DPP10: variants seen among roughly 807,000 people sequenced by gnomAD.
The protein encoded by DPP10 is dipeptidyl peptidase like 10.
DPP10 carries 33 observed loss-of-function variants against 120.9 expected under a neutral mutation model. The ratio of observed to expected loss-of-function variants is 0.27; its 90% CI spans 0.21 to 0.37. The LOEUF (loss-of-function observed/expected upper bound fraction) is 0.37, where lower values mean the gene tolerates loss of function less well. Among genes scored for constraint, DPP10 ranks in the 10% least tolerant of loss-of-function variants. The pLI is 1.00. For missense variants in DPP10, 816 were observed against 942.8 expected (o/e 0.87, Z 1.76); for synonymous variants, 337 against 326.1 (o/e 1.03, Z -0.36).
At chr2:115,189,470 G>C (rs1463667923) in intron 1 of DPP10, among the ~76,000 whole-genome samples, 1 of 152,156 alleles carries the variant, frequency 6.6e-6, no homozygotes, top group Non-Finnish European at 1.5e-5. Context: ...CTAGAGCCAA[G>C]GGGTGAAGAG....
chr2:114,776,355 T>C (rs1489956331), intron 1 of DPP10, among the ~76,000 whole-genome samples: 3 of 152,068 alleles, frequency 2.0e-5, no homozygotes, highest in African/African-American at 7.2e-5. Flanking sequence ...ACACACTATC[T>C]CCTCTGCTTG....
intron 5 of DPP10, among the ~76,000 whole-genome samples, chr2:115,651,317 TAATG>T (rs2087749752): frequency 6.6e-6 from 1 of 152,080 alleles, no homozygotes; most frequent in South Asian, 2.1e-4. Context: ...GGAGGAAAAT[TAATG>T]AACCTGAAAA....
intron 2 of DPP10, among the ~76,000 whole-genome samples, chr2:115,320,509 G>C (rs2062005958): frequency 1.3e-5 from 2 of 149,434 alleles, no homozygotes; most frequent in South Asian, 4.3e-4. Flanking sequence ...TTTTTCTTAT[G>C]GTTATGTTGG....
At chr2:114,675,991 G>T (rs974405066) in intron 1 of DPP10, among the ~76,000 whole-genome samples, 5 of 151,980 alleles carry the variant, frequency 3.3e-5, no homozygotes, top group African/African-American at 1.2e-4. Flanking sequence ...GTAGAGACAG[G>T]GTTTCACCAT....
In DPP10 at chr2:115,802,241, C is replaced by G. The variant is rs188532770; in HGVS notation, c.1700+10885C>G. 7.1e-3 allele frequency among the ~76,000 whole-genome samples: 1,080 copies of G among 152,296 alleles called. 14 individuals carry two copies. The highest frequency in any genetic ancestry group is 0.025 in the African/African-American group (1,036 of 41,564). On this transcript the variant is annotated intron_variant, in intron 19 of 25. Transcript: ENST00000410059. ...TGCATAGAGGTGTTTATAGTATTCT[C>G]TGACGGTAGTTTGTATTTCTGTGGG...
At chr2:115,650,356 G>T (rs772082567) in intron 5 of DPP10, among the ~76,000 whole-genome samples, 1 of 139,620 alleles carries the variant, frequency 7.2e-6, no homozygotes, top group Non-Finnish European at 1.5e-5. Flanking sequence ...ACTTCTTATC[G>T]TCTCGATCTT....
chr2:114,573,219 A>G (rs537445820), intron 1 of DPP10, among the ~76,000 whole-genome samples: 1 of 152,314 alleles, frequency 6.6e-6, no homozygotes, highest in East Asian at 1.9e-4. Context: ...CCTGACCACA[A>G]GCAATATTCC....
chr2:114,965,401 A>G (rs543795871), intron 1 of DPP10, among the ~76,000 whole-genome samples: 2 of 152,156 alleles, frequency 1.3e-5, no homozygotes, highest in African/African-American at 4.8e-5. Flanking sequence ...CCTCCCAAAG[A>G]GCTGGATTAC....
intron 16 of DPP10, among the ~76,000 whole-genome samples, chr2:115,781,883 T>C (rs995130526): frequency 2.0e-5 from 3 of 152,068 alleles, no homozygotes. Context: ...TATTTTTAAA[T>C]TAATATATAG....
At position 115,093,922 on chromosome 2, in the gene DPP10, AT is replaced by A. The variant is rs368621697; in HGVS notation, c.61-215310del. 2.0e-4 allele frequency among the ~76,000 whole-genome samples: 30 copies of A among 152,102 alleles called. No homozygotes were observed. In the East Asian group the frequency reaches 5.0e-3, roughly 25 times the overall value. On this transcript the variant is annotated intron_variant, in intron 1 of 25. Coordinates refer to ENST00000410059, the MANE Select transcript of DPP10 (RefSeq NM_020868.6). Reference sequence around the variant, plus strand: ...TTAATTTTCTAACATTAAAAAAACTATTTTTTTGTGTCCATGAGACATACAG... The same window carrying A: ...TTAATTTTCTAACATTAAAAAAACTATTTTTTGTGTCCATGAGACATACAG...
chr2:115,411,620 T>A (rs146507453), intron 3 of DPP10, among the ~76,000 whole-genome samples: 43 of 152,276 alleles, frequency 2.8e-4, no homozygotes, highest in African/African-American at 9.6e-4. Context: ...TTGGTTGAGG[T>A]GGCAAGGTGA....
At chr2:114,472,421 G>A (rs1219249630) in intron 1 of DPP10, among the ~76,000 whole-genome samples, 1 of 152,178 alleles carries the variant, frequency 6.6e-6, no homozygotes, top group African/African-American at 2.4e-5. Flanking sequence ...TGCTTTAAGA[G>A]GGATTCAAGG....
At chr2:114,767,981 A>C (rs1680887380) in intron 1 of DPP10, among the ~76,000 whole-genome samples, 1 of 152,046 alleles carries the variant, frequency 6.6e-6, no homozygotes, top group Non-Finnish European at 1.5e-5. Context: ...TAGAAAAATT[A>C]GCCGGGCATG....
chr2:114,759,451 C>T (rs182128953), intron 1 of DPP10, among the ~76,000 whole-genome samples: 8 of 151,328 alleles, frequency 5.3e-5, no homozygotes, highest in Admixed American at 4.0e-4. Flanking sequence ...GAGTCCAAGA[C>T]GGGTGCTGTA....
At chr2:115,793,419 A>T (rs1684205530) in intron 19 of DPP10, among the ~76,000 whole-genome samples, 1 of 152,164 alleles carries the variant, frequency 6.6e-6, no homozygotes, top group Admixed American at 6.6e-5. Flanking sequence ...AATTATAATT[A>T]TTATTAGTAT....
At chr2:115,047,092 A>G (rs1435870800) in intron 1 of DPP10, among the ~76,000 whole-genome samples, 1 of 135,544 alleles carries the variant, frequency 7.4e-6, no homozygotes, top group African/African-American at 2.6e-5. Context: ...GTTGAGAATT[A>G]ATGATTTTAA....
intron 1 of DPP10, among the ~76,000 whole-genome samples, chr2:115,251,104 G>C (rs1206895287): frequency 2.0e-5 from 3 of 152,170 alleles, no homozygotes; most frequent in Non-Finnish European, 4.4e-5. Context: ...AGCTGCCAGG[G>C]ATAGGTCTGT....
intron 1 of DPP10, among the ~76,000 whole-genome samples, chr2:114,983,199 G>A (rs1267412390): frequency 1.3e-5 from 2 of 152,102 alleles, no homozygotes; most frequent in East Asian, 1.9e-4. Context: ...TGCTTTCCAC[G>A]ATTTTAAATC....
At chr2:115,647,732 A>G (rs1238348022) in intron 5 of DPP10, among the ~76,000 whole-genome samples, 2 of 152,084 alleles carry the variant, frequency 1.3e-5, no homozygotes, top group African/African-American at 4.8e-5. Context: ...TTTTTTGCTG[A>G]GTCCTCACAT....
Sources: gnomAD v4.1 joint callset for allele counts (sites outside exome capture counted in the v4.1 genomes callset) on GRCh38, gnomAD v4.1.1 for gene constraint, MANE v1.5 for transcripts, NCBI Gene and HGNC (gene_info 2026-07-23, HGNC 2026-07-21) for gene names.